The following AGBL1 variants were observed in gnomAD, a reference collection of about 807,000 sequenced individuals.
AGBL1 encodes cytosolic carboxypeptidase 4.
Under a neutral mutation model 118.9 loss-of-function variants are expected in AGBL1, and 130 were observed. That is an observed-to-expected ratio of 1.09 (90% CI 0.95 to 1.26). The LOEUF (loss-of-function observed/expected upper bound fraction) is 1.26, where lower values mean the gene tolerates loss of function less well. Among genes scored for constraint, AGBL1 ranks in the 50% most tolerant of loss-of-function variants. The pLI is 0.00. For missense variants in AGBL1, 1,584 were observed against 1,298.1 expected (o/e 1.22, Z -3.38); for synonymous variants, 555 against 478.9 (o/e 1.16, Z -2.08).
At chr15:87,029,748 C>CTGAT (rs1338288240), downstream of AGBL1, among the ~76,000 whole-genome samples, 3 of 151,792 alleles carry the variant, frequency 2.0e-5, no homozygotes, top group African/African-American at 7.3e-5. Flanking sequence ...CTTCAAATAT[C>CTGAT]TGATTTCATA....
chr15:86,447,334 C>T (rs764945756), intron 18 of AGBL1, among the ~76,000 whole-genome samples: 4 of 152,098 alleles, frequency 2.6e-5, no homozygotes, highest in Non-Finnish European at 2.9e-5. Context: ...GTGTGAGCCG[C>T]GGAATTGTAG....
At chr15:86,603,110 ATCTC>A (rs1284517255) in intron 21 of AGBL1, among the ~76,000 whole-genome samples, 1 of 152,178 alleles carries the variant, frequency 6.6e-6, no homozygotes, top group Non-Finnish European at 1.5e-5. Context: ...AATTTCTGGC[ATCTC>A]TCAGCCAGAG....
intron 22 of AGBL1, among the ~76,000 whole-genome samples, chr15:86,825,449 G>C (rs1406077454): frequency 1.8e-5 from 1 of 56,390 alleles, no homozygotes; most frequent in Non-Finnish European, 3.5e-5. Context: ...ATCTGGGAAA[G>C]AACTTTTATC....
At chr15:86,548,125 C>T (rs966400745) in intron 20 of AGBL1, among the ~76,000 whole-genome samples, 5 of 152,090 alleles carry the variant, frequency 3.3e-5, no homozygotes, top group Admixed American at 6.6e-5. Context: ...AATTGAGACT[C>T]AGGGGAGAAT....
intron 22 of AGBL1, among the ~76,000 whole-genome samples, chr15:86,763,455 A>G (rs188733050): frequency 3.1e-3 from 471 of 152,050 alleles, no homozygotes; most frequent in Non-Finnish European, 5.0e-3. Context: ...CACTTTAGTG[A>G]AAAAAACACA....
At chr15:86,421,571 A>C (rs1246729066) in intron 18 of AGBL1, among the ~76,000 whole-genome samples, 1 of 152,232 alleles carries the variant, frequency 6.6e-6, no homozygotes, top group African/African-American at 2.4e-5. Flanking sequence ...ACCAGCTAGC[A>C]TCATGACAGG....
At chr15:86,603,004 A>G (rs1442476175) in intron 21 of AGBL1, among the ~76,000 whole-genome samples, 1 of 152,180 alleles carries the variant, frequency 6.6e-6, no homozygotes, top group Non-Finnish European at 1.5e-5. Flanking sequence ...TTGCAATTGT[A>G]GATGAAGCCC....
At chr15:86,857,722 G>A (rs561473388) in intron 22 of AGBL1, among the ~76,000 whole-genome samples, 51 of 152,298 alleles carry the variant, frequency 3.3e-4, no homozygotes, top group African/African-American at 1.1e-3. Context: ...AGATGCAGGA[G>A]GGCAAGGACG....
chr15:86,975,055 G>T (rs949398744), intron 23 of AGBL1, among the ~76,000 whole-genome samples: 1 of 152,034 alleles, frequency 6.6e-6, no homozygotes, highest in Non-Finnish European at 1.5e-5. Flanking sequence ...AGGTTCTGGA[G>T]ACAGGACCAA....
intron 20 of AGBL1, among the ~76,000 whole-genome samples, chr15:86,552,330 A>C (rs934234747): frequency 6.6e-6 from 1 of 151,874 alleles, no homozygotes. Flanking sequence ...TTTTTTAAAA[A>C]AGAGAGAGAT....
At chr15:86,796,342 G>A (rs2078570693) in intron 22 of AGBL1, among the ~76,000 whole-genome samples, 1 of 152,168 alleles carries the variant, frequency 6.6e-6, no homozygotes, top group Non-Finnish European at 1.5e-5. Context: ...ACAAAGGATT[G>A]TCCCTAAGCC....
intron 17 of AGBL1, among the ~76,000 whole-genome samples, chr15:86,346,994 C>T (rs1276796002): frequency 6.6e-6 from 1 of 152,084 alleles, no homozygotes; most frequent in Admixed American, 6.6e-5. Flanking sequence ...CCTGGTGGAG[C>T]TTTGAGGGCT....
intron 18 of AGBL1, among the ~76,000 whole-genome samples, chr15:86,487,171 G>C (rs2082723643): frequency 6.6e-6 from 1 of 152,032 alleles, no homozygotes; most frequent in African/African-American, 2.4e-5. Flanking sequence ...TTTATAATCA[G>C]GAATAAAGGG....
At chr15:87,020,695 G>A (rs908887489) in intron 24 of AGBL1, among the ~76,000 whole-genome samples, 1 of 151,940 alleles carries the variant, frequency 6.6e-6, no homozygotes, top group Non-Finnish European at 1.5e-5. Flanking sequence ...GCATTCCTAT[G>A]CACTAAAAAC....
At chr15:86,333,500 G>A (rs1284354451) in intron 17 of AGBL1, among the ~76,000 whole-genome samples, 1 of 152,060 alleles carries the variant, frequency 6.6e-6, no homozygotes, top group African/African-American at 2.4e-5. Flanking sequence ...TTGAAACCCT[G>A]AAAAGACTAA....
chr15:86,768,427 A>G (rs1183708309), intron 22 of AGBL1, among the ~76,000 whole-genome samples: 1 of 151,906 alleles, frequency 6.6e-6, no homozygotes, highest in Non-Finnish European at 1.5e-5. Context: ...CTTATCTTAT[A>G]CCACCTTCTG....
chr15:86,567,091 T>C (rs1420950594), intron 21 of AGBL1, among the ~76,000 whole-genome samples: 1 of 152,228 alleles, frequency 6.6e-6, no homozygotes, highest in East Asian at 1.9e-4. Flanking sequence ...AACAGGATCA[T>C]TAATGGTGGT....
chr15:86,160,493 A>G (rs1278632533), intron 5 of AGBL1, among the ~76,000 whole-genome samples: 2 of 152,160 alleles, frequency 1.3e-5, no homozygotes, highest in African/African-American at 4.8e-5. Context: ...TGTTGATGGA[A>G]AAACACAGAC....
intron 6 of AGBL1, among the ~76,000 whole-genome samples, chr15:86,235,743 A>G (rs1047185568): frequency 1.5e-4 from 23 of 152,204 alleles, no homozygotes; most frequent in African/African-American, 5.3e-4. Flanking sequence ...ATTATTCTAT[A>G]ACAGTAGTTC....
Sources: allele counts gnomAD v4.1 joint callset (sites outside exome capture counted in the v4.1 genomes callset), GRCh38; gene constraint gnomAD v4.1.1; transcripts MANE v1.5; gene names NCBI Gene and HGNC (gene_info 2026-07-23, HGNC 2026-07-21).